The following TBC1D16 variants were observed in gnomAD, a reference collection of about 807,000 sequenced individuals.
The protein encoded by TBC1D16 is CTD-2529O21.1.
TBC1D16 carries 58 observed loss-of-function variants against 74.7 expected under a neutral mutation model. The ratio of observed to expected loss-of-function variants is 0.78; its 90% CI spans 0.63 to 0.97. The LOEUF (loss-of-function observed/expected upper bound fraction) is 0.97, where lower values mean the gene tolerates loss of function less well. Ranked by LOEUF, TBC1D16 falls within the 50% of genes least tolerant of loss-of-function variation. The pLI, the probability that TBC1D16 is intolerant of heterozygous loss-of-function variation, is 0.00. For missense variants in TBC1D16, 1,014 were observed against 1,079.5 expected, an observed-to-expected ratio of 0.94 and a Z score of 0.85; for synonymous variants, 493 against 474.7, an observed-to-expected ratio of 1.04 and a Z score of -0.50.
In TBC1D16 at chr17:79,944,769, A is replaced by G; in HGVS notation, c.1908+139T>C. 3 of 772,744 alleles carry G rather than the reference A, an allele frequency of 3.9e-6. No individual in the cohort carries two copies. The highest frequency in any genetic ancestry group is 6.0e-6 in the Non-Finnish European group (3 of 497,416). The allele number at this position is 772,744 out of a possible 1,614,324, so 47.9% of individuals were successfully genotyped here. ...CTGAAGCCAGCCACGTGGGACGGGA[A>G]GGCAGTCGCCGTATGGGGGGCTAAT... On this transcript the variant is annotated intron_variant, in intron 10 of 11. Coordinates refer to ENST00000310924, the MANE Select transcript of TBC1D16 (RefSeq NM_019020.4). This position sits in a 1 kb window ranked among gnomAD's most constrained non-coding sequence, Gnocchi z 7.7.
intron 8 of TBC1D16, among the ~76,000 whole-genome samples, chr17:79,948,247 A>G (rs1422351095): frequency 6.6e-6 from 1 of 151,238 alleles, no homozygotes; most frequent in African/African-American, 2.4e-5. Context: ...CGGAAAGCGG[A>G]AGTTGCAGTG....
In TBC1D16 at chr17:79,987,533, C is replaced by T. The variant is rs771573282; in HGVS notation, c.779+22627G>A. 3.9e-5 allele frequency among the ~76,000 whole-genome samples: 6 copies of T among 152,158 alleles called. No individual in the cohort carries two copies. Among genetic ancestry groups the T allele is most frequent in the Non-Finnish European group, 5.9e-5 (4 of 68,020 alleles). On this transcript the variant is annotated intron_variant, in intron 3 of 11. Coordinates refer to ENST00000310924, the MANE Select transcript of TBC1D16 (RefSeq NM_019020.4). This position sits in a 1 kb window ranked among gnomAD's most constrained non-coding sequence, Gnocchi z 5.2. ...AAGTGCTAGGATTACAGGCATGAGT[C>T]ATCATGCCTGACCTATTTTTAAACC...
At chr17:80,023,162 G>A (rs1193060852) in intron 1 of TBC1D16, among the ~76,000 whole-genome samples, 2 of 149,910 alleles carry the variant, frequency 1.3e-5, no homozygotes, top group Non-Finnish European at 2.9e-5. Flanking sequence ...TGGGACAGGC[G>A]GGGTCATTTT....
rs376287755 is a variant in TBC1D16, at chr17:80,025,153, C to A, written c.-63+10642G>T. ...CACACCATAGGCACACACAAACACA[C>A]CAGGACACACACACCATAGACACAC... On this transcript the variant is annotated intron_variant, in intron 1 of 11. Transcript: ENST00000310924. 3.7e-4 allele frequency among the ~76,000 whole-genome samples: 54 copies of A among 144,942 alleles called. 3 individuals are homozygous for A. In the East Asian group the frequency reaches 9.9e-3, roughly 27 times the overall value.
rs1240657622 is a variant in TBC1D16, at chr17:79,979,890, G to A, written c.780-27072C>T. Among the ~76,000 whole-genome samples, 2 of 152,114 alleles carry A rather than the reference G, an allele frequency of 1.3e-5. No individual in the cohort carries two copies. The highest frequency in any genetic ancestry group is 6.5e-5 in the Admixed American group (1 of 15,272). ...GGGTGGGCTCTGGCTTCCAGGTGGT[G>A]GGCTCTGCGGGCCAGAGCTTGGGGC... On this transcript the variant is annotated intron_variant, in intron 3 of 11. Coordinates refer to ENST00000310924, the MANE Select transcript of TBC1D16 (RefSeq NM_019020.4). The surrounding 1 kb of genome is among the most constrained non-coding windows in gnomAD (Gnocchi z 4.8).
intron 3 of TBC1D16, among the ~76,000 whole-genome samples, chr17:79,973,756 T>G (rs1053464383): frequency 1.3e-5 from 2 of 150,342 alleles, no homozygotes. Flanking sequence ...TATCCAGGCA[T>G]GGTGGTGCAT....
At chr17:79,965,708 T>C (rs1259003803) in intron 3 of TBC1D16, among the ~76,000 whole-genome samples, 1 of 152,184 alleles carries the variant, frequency 6.6e-6, no homozygotes, top group East Asian at 1.9e-4. Flanking sequence ...TCTTTTGGCA[T>C]ATGCCTTCCA....
In TBC1D16 at chr17:79,948,900, C is replaced by A. The variant is rs1297118294; in HGVS notation, c.1513G>T (p.Glu505Ter). Residue 505 changes from glutamate to a stop codon, truncating the protein, a stop_gained, in exon 8 of 12, where the codon GAA (glutamate) becomes TAA (stop). Transcript: ENST00000310924. LOFTEE classifies it high-confidence loss of function. ...ATGCTCTCCACATTGGGATTGTCTTCCCCCCGGAAGAACTGGTTGTTCCGA... is the reference window on the plus strand; with the variant it reads ...ATGCTCTCCACATTGGGATTGTCTTACCCCCGGAAGAACTGGTTGTTCCGA... The part of the protein sequence containing the change: ...TDRNNQFFRG[E>*]DNPNVESMRR... The A allele has an allele frequency of 6.2e-7, 1 of 1,613,978 alleles. No individual in the cohort carries two copies.
intron 1 of TBC1D16, among the ~76,000 whole-genome samples, chr17:80,030,272 C>A (rs2036729654): frequency 6.6e-6 from 1 of 152,134 alleles, no homozygotes; most frequent in Non-Finnish European, 1.5e-5. Flanking sequence ...CTGACCTGCT[C>A]ACCCACTGAC....
rs1156514883 is a variant in TBC1D16, at chr17:79,985,099, G to A, written c.779+25061C>T. Among the ~76,000 whole-genome samples, 1 of 152,130 alleles carries A rather than the reference G, an allele frequency of 6.6e-6. No individual in the cohort carries two copies. The highest frequency in any genetic ancestry group is 1.5e-5 in the Non-Finnish European group (1 of 68,030). On this transcript the variant is annotated intron_variant, in intron 3 of 11. Coordinates refer to ENST00000310924, the MANE Select transcript of TBC1D16 (RefSeq NM_019020.4). This position sits in a 1 kb window ranked among gnomAD's most constrained non-coding sequence, Gnocchi z 4.9. ...GTGCTAGTCGGGCCGCGCCCCCTCT[G>A]AAGGCTCCAGGCAAGAGTCTTTCCT...
intron 3 of TBC1D16, among the ~76,000 whole-genome samples, chr17:79,977,181 A>G (rs1379861031): frequency 2.0e-4 from 31 of 152,164 alleles, no homozygotes; most frequent in Admixed American, 2.0e-3. Context: ...CCCAACGTCC[A>G]AAGCTTTCCT....
chr17:79,978,779 A>T (rs1390354770), intron 3 of TBC1D16, among the ~76,000 whole-genome samples: 1 of 152,184 alleles, frequency 6.6e-6, no homozygotes, highest in Non-Finnish European at 1.5e-5. Flanking sequence ...GGCAGGAATC[A>T]TTTGTTTTTC....
chr17:79,970,317 C>CT (rs199916088), intron 3 of TBC1D16, among the ~76,000 whole-genome samples: 2,226 of 152,166 alleles, frequency 0.015, 61 homozygotes, highest in African/African-American at 0.05. Flanking sequence ...TATGAGGTTT[C>CT]TTTTTGGGGG....
chr17:79,967,321 G>A (rs2033886647), intron 3 of TBC1D16, among the ~76,000 whole-genome samples: 1 of 152,020 alleles, frequency 6.6e-6, no homozygotes, highest in Non-Finnish European at 1.5e-5. Flanking sequence ...AAAAAAAGGA[G>A]TAAAACTATC....
chr17:79,942,910 G>A (rs765167641), intron 10 of TBC1D16, among the ~76,000 whole-genome samples: 4 of 151,890 alleles, frequency 2.6e-5, no homozygotes, highest in Non-Finnish European at 5.9e-5. Context: ...TGCCAGCAAC[G>A]CGCTGTGTGC....
intron 1 of TBC1D16, among the ~76,000 whole-genome samples, chr17:80,023,665 C>G (rs151096975): frequency 0.11 from 15,774 of 142,816 alleles, 1,288 homozygotes; most frequent in East Asian, 0.17. Context: ...GGGCCCCCCC[C>G]CACCGGCTCA....
At chr17:80,005,629 G>T (rs1253837231) in intron 3 of TBC1D16, among the ~76,000 whole-genome samples, 1 of 152,166 alleles carries the variant, frequency 6.6e-6, no homozygotes, top group South Asian at 2.1e-4. Context: ...GCAGCTCTCC[G>T]TATCACCCCA....
At chr17:79,942,536 G>T (rs1232699190) in intron 10 of TBC1D16, among the ~76,000 whole-genome samples, 1 of 151,568 alleles carries the variant, frequency 6.6e-6, no homozygotes, top group Admixed American at 6.6e-5. Context: ...GGGGGTGGGG[G>T]GGTACAAAGA....
Position 79,954,177 on chromosome 17 carries a change from A to G in TBC1D16, c.780-1359T>C, listed in dbSNP as rs546858359. On this transcript the variant is annotated intron_variant, in intron 3 of 11. Transcript: ENST00000310924. The surrounding 1 kb of genome is among the most constrained non-coding windows in gnomAD (Gnocchi z 5.5). ...CAGCACCCCACAGAGACTCAGCCGCATTCACCGCACCTGCCTTCCCGTTTG... is the reference window on the plus strand; with the variant it reads ...CAGCACCCCACAGAGACTCAGCCGCGTTCACCGCACCTGCCTTCCCGTTTG... Among the ~76,000 whole-genome samples the G allele has an allele frequency of 2.0e-5, 3 of 152,274 alleles. No homozygotes were observed. In the South Asian group the frequency reaches 6.2e-4, roughly 32 times the overall value.
Sources: allele counts gnomAD v4.1 joint callset (sites outside exome capture counted in the v4.1 genomes callset), GRCh38; gene constraint gnomAD v4.1.1; non-coding constraint Gnocchi (gnomAD v3.1); transcripts MANE v1.5; gene names NCBI Gene and HGNC (gene_info 2026-07-23, HGNC 2026-07-21).